The following MAP4 variants were observed in gnomAD, a reference collection of about 807,000 sequenced individuals.
MAP4 encodes microtubule associated protein 4.
In MAP4, 76 loss-of-function variants were observed where a neutral mutation model predicts 170.2. The observed-to-expected ratio is 0.45, with a 90% CI of 0.37 to 0.54. MAP4 has a LOEUF of 0.54. MAP4 is among the 20% of genes least tolerant of loss of function. The pLI is 0.00. For missense variants in MAP4, 2,506 were observed against 2,748.0 expected, an observed-to-expected ratio of 0.91 and a Z score of 1.97; for synonymous variants, 909 against 994.5, an observed-to-expected ratio of 0.91 and a Z score of 1.62.
intron 1 of MAP4, among the ~76,000 whole-genome samples, chr3:48,022,701 C>T (rs934706519): frequency 1.3e-5 from 2 of 152,014 alleles, no homozygotes; most frequent in African/African-American, 4.8e-5. Flanking sequence ...CCATCCTAGC[C>T]AACATGGTGA....
chr3:48,009,022 G>T (rs2100103881), intron 1 of MAP4, among the ~76,000 whole-genome samples: 1 of 152,176 alleles, frequency 6.6e-6, no homozygotes, highest in Admixed American at 6.5e-5. Context: ...ACTTACTCTG[G>T]ATATGGGTTC....
intron 17 of MAP4, among the ~76,000 whole-genome samples, chr3:47,866,647 G>C (rs550742503): frequency 1.3e-5 from 2 of 151,786 alleles, no homozygotes; most frequent in African/African-American, 2.4e-5. Context: ...CCGGCTACTC[G>C]GGAGGCTGAG....
chr3:47,958,829 G>A (rs1440923392), intron 3 of MAP4, among the ~76,000 whole-genome samples: 6 of 151,832 alleles, frequency 4.0e-5, no homozygotes, highest in East Asian at 1.9e-4. Flanking sequence ...GTCTATAGGC[G>A]TGCACCACCA....
Position 47,916,973 on chromosome 3 carries a change from T to C in MAP4, c.854A>G (p.Asp285Gly). 1 of 1,614,218 alleles carries C rather than the reference T, an allele frequency of 6.2e-7. No individual in the cohort carries two copies. The highest frequency in any genetic ancestry group is 8.5e-7 in the Non-Finnish European group (1 of 1,180,036). Residue 285 changes from aspartate (D) to glycine (G), a missense_variant, in exon 7 of 21, where the codon GAT becomes GGT. By Grantham distance (94) the Asp-to-Gly change is moderately conservative. Transcript: ENST00000683076. ...CTGCATGTCCTTGGCCAGTGTCACATCTAATTTGGTGGGTGATTCCATATC... is the reference window on the plus strand; with the variant it reads ...CTGCATGTCCTTGGCCAGTGTCACACCTAATTTGGTGGGTGATTCCATATC... ...AKDMESPTKL[D>G]VTLAKDMQPS... is the part of the protein sequence containing the mutation.
chr3:47,996,024 G>T (rs946004280), intron 2 of MAP4, among the ~76,000 whole-genome samples: 1 of 152,146 alleles, frequency 6.6e-6, no homozygotes, highest in African/African-American at 2.4e-5. Flanking sequence ...GATGTCTGCC[G>T]CATGCTCACA....
intron 1 of MAP4, among the ~76,000 whole-genome samples, chr3:48,032,363 A>G (rs1184642803): frequency 1.3e-5 from 2 of 152,022 alleles, no homozygotes; most frequent in African/African-American, 2.4e-5. Flanking sequence ...TTAGATGGGC[A>G]TGGTGGTGTG....
chr3:48,001,905 T>C (rs1489396860), intron 1 of MAP4, among the ~76,000 whole-genome samples: 6 of 151,612 alleles, frequency 4.0e-5, no homozygotes, highest in Non-Finnish European at 8.8e-5. Flanking sequence ...AGACAGAGTT[T>C]CACTCTTGTT....
chr3:47,875,624 GTCTA>G, intron 12 of MAP4, 57 bp downstream of exon 12: 1 of 1,386,482 alleles, frequency 7.2e-7, no homozygotes, highest in Non-Finnish European at 1.0e-6. Context: ...ACAAGGATCT[GTCTA>G]TCTGACACTC....
intron 10 of MAP4, among the ~76,000 whole-genome samples, chr3:47,896,529 CCAAA>C (rs750378425): frequency 3.3e-5 from 5 of 151,952 alleles, no homozygotes; most frequent in Admixed American, 2.0e-4. Context: ...AACTCCATCT[CCAAA>C]CAAACAAACA....
chr3:47,912,307 C>G lies in MAP4; in HGVS notation c.2114G>C (p.Gly705Ala). 6.5e-7 allele frequency: 1 copy of G among 1,536,158 alleles called. No homozygotes were observed. ...PARVPPELLG[G>A]SPPWKTLDHR... ...ATCAAGAGTCTTCCATGGAGGAGAG[C>G]CTCCCAGCAGCTCAGGAGGGACCCT... The change falls in exon 9 of 21, where the codon GGC (glycine) becomes GCC (alanine). Residue 705 changes from glycine (G) to alanine (A), a missense_variant. By Grantham distance (60) the Gly-to-Ala change is moderately conservative (BLOSUM62 0). Around this residue, in one of 3 missense-constraint regions of MAP4, gnomAD observed 2,008 missense variants for 2,206.0 expected, o/e 0.91. Transcript: ENST00000683076.
At chr3:47,949,075 G>A (rs993338827) in intron 3 of MAP4, among the ~76,000 whole-genome samples, 1 of 152,050 alleles carries the variant, frequency 6.6e-6, no homozygotes, top group Non-Finnish European at 1.5e-5. Context: ...ACAATTTAAC[G>A]CTATCTTGAG....
At chr3:47,976,070 G>A (rs552183299) in intron 3 of MAP4, among the ~76,000 whole-genome samples, 1 of 152,182 alleles carries the variant, frequency 6.6e-6, no homozygotes, top group African/African-American at 2.4e-5. Flanking sequence ...GATTACAGGC[G>A]TGAGCCACCG....
intron 1 of MAP4, among the ~76,000 whole-genome samples, chr3:48,043,560 T>C (rs2100122771): frequency 6.6e-6 from 1 of 152,224 alleles, no homozygotes; most frequent in Non-Finnish European, 1.5e-5. Flanking sequence ...GCATTACTTT[T>C]AGAATATTTT....
intron 5 of MAP4, among the ~76,000 whole-genome samples, chr3:47,921,542 C>T (rs143443067): frequency 1.3e-5 from 2 of 152,106 alleles, no homozygotes; most frequent in African/African-American, 4.8e-5. Context: ...ATTTGTCATT[C>T]TTTATTGAAG....
intron 1 of MAP4, among the ~76,000 whole-genome samples, chr3:48,076,715 G>A (rs1263288628): frequency 1.3e-5 from 2 of 151,968 alleles, no homozygotes; most frequent in South Asian, 2.1e-4. Flanking sequence ...AAGAACAAAC[G>A]AATGAAAAAA....
intron 2 of MAP4, among the ~76,000 whole-genome samples, chr3:47,981,819 C>T (rs2100085589): frequency 6.6e-6 from 1 of 151,580 alleles, no homozygotes; most frequent in African/African-American, 2.4e-5. Context: ...ATTAGGGTTT[C>T]TTCACTATGA....
intron 3 of MAP4, among the ~76,000 whole-genome samples, chr3:47,945,103 A>C (rs1406626547): frequency 6.6e-6 from 1 of 151,884 alleles, no homozygotes; most frequent in Non-Finnish European, 1.5e-5. Flanking sequence ...CTGTAATCCT[A>C]GCACTTTGGG....
At chr3:48,038,323 C>A (rs999819848) in intron 1 of MAP4, among the ~76,000 whole-genome samples, 5 of 151,744 alleles carry the variant, frequency 3.3e-5, no homozygotes, top group African/African-American at 1.2e-4. Flanking sequence ...ATTCTCAAGT[C>A]TTCATTTTTT....
At chr3:47,894,337 C>T (rs939580068) in intron 10 of MAP4, among the ~76,000 whole-genome samples, 3 of 152,230 alleles carry the variant, frequency 2.0e-5, no homozygotes, top group Admixed American at 6.5e-5. Context: ...AATCCCAGCA[C>T]TTTGGGAGCC....
Sources: allele counts gnomAD v4.1 joint callset (sites outside exome capture counted in the v4.1 genomes callset), GRCh38; gene constraint gnomAD v4.1.1; regional missense constraint gnomAD v4.1.1; transcripts MANE v1.5; gene names NCBI Gene and HGNC (gene_info 2026-07-23, HGNC 2026-07-21).